ALG9: variants seen among roughly 807,000 people sequenced by gnomAD.
The protein encoded by ALG9 is alpha-1,2-mannosyltransferase ALG9.
A neutral mutation model predicts 81.8 loss-of-function variants in ALG9; 55 were observed. The observed-to-expected ratio is 0.67, with a 90% CI of 0.54 to 0.84. The LOEUF (loss-of-function observed/expected upper bound fraction) is 0.84. Among genes scored for constraint, ALG9 ranks in the 40% least tolerant of loss-of-function variants. ALG9 has a pLI of 0.00. For missense variants in ALG9, 629 were observed against 745.0 expected (o/e 0.84, Z 1.81); for synonymous variants, 278 against 274.3 (o/e 1.01, Z -0.13).
At chr11:111,850,017 G>C (rs1331464213) in intron 8 of ALG9, among the ~76,000 whole-genome samples, 1 of 152,058 alleles carries the variant, frequency 6.6e-6, no homozygotes. Context: ...ATGCTATCTC[G>C]CTGTCTGACA....
chr11:111,773,210 G>A, the ALG9 span, among the ~76,000 whole-genome samples: 5 of 152,140 alleles, frequency 3.3e-5, no homozygotes, highest in African/African-American at 9.7e-5. Context: ...AAGAACAGCA[G>A]TCAGGATTAG....
intron 13 of ALG9, among the ~76,000 whole-genome samples, chr11:111,816,773 C>G (rs988137447): frequency 1.3e-5 from 2 of 152,146 alleles, no homozygotes; most frequent in Non-Finnish European, 2.9e-5. Flanking sequence ...TTTTCGAGGT[C>G]AGTCTTGAAT....
At chr11:111,837,130 A>T (rs1955436446) in intron 12 of ALG9, among the ~76,000 whole-genome samples, 1 of 152,226 alleles carries the variant, frequency 6.6e-6, no homozygotes, top group Non-Finnish European at 1.5e-5. Context: ...CACTTTTAGA[A>T]GAGGATTAAC....
At chr11:111,801,431 A>G (rs1423334074) in intron 14 of ALG9, among the ~76,000 whole-genome samples, 1 of 152,270 alleles carries the variant, frequency 6.6e-6, no homozygotes, top group Non-Finnish European at 1.5e-5. Context: ...TGTAAAGAAA[A>G]TCAGCATAAT....
intron 13 of ALG9, among the ~76,000 whole-genome samples, 192 bp downstream of exon 13, chr11:111,835,973 A>G (rs1238473144): frequency 6.6e-6 from 1 of 152,130 alleles, no homozygotes; most frequent in African/African-American, 2.4e-5. Context: ...CTGGTCTCGA[A>G]CTTCTGAATT....
intron 14 of ALG9, among the ~76,000 whole-genome samples, chr11:111,799,718 A>C (rs1427826703): frequency 3.9e-5 from 6 of 152,168 alleles, no homozygotes; most frequent in African/African-American, 1.4e-4. Flanking sequence ...ATGACCATAT[A>C]TTTCAATTTA....
At chr11:111,821,708 T>C (rs1389187224) in intron 13 of ALG9, among the ~76,000 whole-genome samples, 1 of 151,892 alleles carries the variant, frequency 6.6e-6, no homozygotes, top group Non-Finnish European at 1.5e-5. Context: ...CGATCTCGGC[T>C]CACTGCAAGC....
chr11:111,856,824 G>A (rs201147650), intron 6 of ALG9, among the ~76,000 whole-genome samples: 47 of 152,174 alleles, frequency 3.1e-4, no homozygotes, highest in East Asian at 2.5e-3. Flanking sequence ...AAGGAAGACT[G>A]GGCCAGGCGC....
chr11:111,864,403 T>A, intron 4 of ALG9: 1 of 764,920 alleles, frequency 1.3e-6, no homozygotes, highest in African/African-American at 1.7e-5. Context: ...CTCTGCTGAC[T>A]AGAGTATCTT....
intron 13 of ALG9, among the ~76,000 whole-genome samples, chr11:111,819,372 G>C (rs1312533713): frequency 6.6e-6 from 1 of 152,164 alleles, no homozygotes. Context: ...GAGGTTCAGG[G>C]AACATCACAG....
chr11:111,870,124 A>G, intron 2 of ALG9, 108 bp downstream of exon 2: 1 of 1,246,540 alleles, frequency 8.0e-7, no homozygotes, highest in East Asian at 2.7e-5. Context: ...AAGAAAATAC[A>G]GTTATTTTAC....
At chr11:111,836,664 G>A (rs1156824148) in intron 12 of ALG9, 1 of 306,462 alleles carries the variant, frequency 3.3e-6, no homozygotes, top group East Asian at 8.5e-5. Context: ...TGTAATATAT[G>A]GCACTGAGAA....
At chr11:111,856,787 G>C (rs1172626541) in intron 6 of ALG9, among the ~76,000 whole-genome samples, 1 of 151,982 alleles carries the variant, frequency 6.6e-6, no homozygotes, top group African/African-American at 2.4e-5. Flanking sequence ...GAGCTTGGTG[G>C]AAAAAAAGAT....
Position 111,785,477 on chromosome 11 carries a change from T to A in ALG9, c.*920A>T, listed in dbSNP as rs944779965. The stretch of plus-strand genomic sequence containing the variant: ...AATAGGTGCTATAAATATACACTGA[T>A]CCTTTTCACTGGGGGTGGTTAAAAA... On this transcript the variant is annotated 3_prime_UTR_variant, in exon 15 of 15. Coordinates refer to ENST00000616540, the MANE Select transcript of ALG9 (RefSeq NM_024740.2). 1 of 154,104 alleles carries A rather than the reference T, an allele frequency of 6.5e-6. No individual in the cohort carries two copies. Among genetic ancestry groups the A allele is most frequent in the Non-Finnish European group, 1.4e-5 (1 of 69,442 alleles). The allele number at this position is 154,104 out of a possible 1,614,324, so 9.5% of individuals were successfully genotyped here. A position where few individuals can be genotyped will look rare whatever the true frequency, so the allele number is the denominator to read the frequency against.
At chr11:111,864,521 G>T in intron 4 of ALG9, 1 of 659,132 alleles carries the variant, frequency 1.5e-6, no homozygotes, top group South Asian at 1.6e-5. Flanking sequence ...ATTCAAAAGA[G>T]AGCTAAATTT....
intron 3 of ALG9, among the ~76,000 whole-genome samples, chr11:111,866,228 C>T (rs996405172): frequency 4.6e-5 from 7 of 152,094 alleles, no homozygotes; most frequent in African/African-American, 1.4e-4. Context: ...ACCTGGGAGT[C>T]GGAGGTTGCA....
chr11:111,791,180 C>T (rs532606767), intron 14 of ALG9, among the ~76,000 whole-genome samples: 1 of 152,260 alleles, frequency 6.6e-6, no homozygotes, highest in South Asian at 2.1e-4. Flanking sequence ...TATATGTAAG[C>T]ATTTGTGTGC....
chr11:111,796,678 A>G (rs1948337629), intron 14 of ALG9, among the ~76,000 whole-genome samples: 1 of 152,192 alleles, frequency 6.6e-6, no homozygotes, highest in Non-Finnish European at 1.5e-5. Context: ...GAGGAGGAAA[A>G]GCCAAAAACT....
intron 11 of ALG9, 111 bp downstream of exon 11, chr11:111,838,138 A>T: frequency 7.8e-7 from 1 of 1,286,444 alleles, no homozygotes; most frequent in African/African-American, 1.5e-5. Flanking sequence ...TTCTCTTTTT[A>T]GAAATGGCTT....
Sources: allele counts gnomAD v4.1 joint callset (sites outside exome capture counted in the v4.1 genomes callset), GRCh38; gene constraint gnomAD v4.1.1; transcripts MANE v1.5; gene names NCBI Gene and HGNC (gene_info 2026-07-23, HGNC 2026-07-21).